The following DDX52 variants were observed in gnomAD, a reference collection of about 807,000 sequenced individuals.
DDX52 encodes the protein probable ATP-dependent RNA helicase DDX52.
A neutral mutation model predicts 76.1 loss-of-function variants in DDX52; 59 were observed. The ratio of observed to expected loss-of-function variants is 0.78; its 90% CI spans 0.63 to 0.96. DDX52 has a LOEUF of 0.96. DDX52 is among the 40% of genes least tolerant of loss of function. The probability of loss-of-function intolerance (pLI) is 0.00; values close to 1 mark genes in which losing one functional copy is unlikely to be tolerated. For synonymous variants in DDX52, 231 were observed against 244.1 expected (o/e 0.95, Z 0.50); for missense variants, 707 against 703.9 (o/e 1.00, Z -0.05).
At position 37,631,929 on chromosome 17, in the gene DDX52, C is replaced by T. The variant is rs79691013; in HGVS notation, c.603+184G>A. ...GGGTACTAGAAAAGGAAGAAGATCACATCTAGATGGAGTGATCAAGACAAC... is the reference window on the plus strand; with the variant it reads ...GGGTACTAGAAAAGGAAGAAGATCATATCTAGATGGAGTGATCAAGACAAC... On this transcript the variant is annotated intron_variant, in intron 4 of 14. Coordinates refer to ENST00000617633, the MANE Select transcript of DDX52 (RefSeq NM_007010.5). The T allele has an allele frequency of 3.9e-3, 2,710 of 693,366 alleles. 45 individuals carry two copies. In the African/African-American group the frequency reaches 0.039, roughly 10 times the overall value. 43.0% of individuals were successfully genotyped at this position (693,366 alleles called of 1,614,324 possible).
At chr17:37,617,152 C>T (rs541091028) in intron 14 of DDX52, among the ~76,000 whole-genome samples, 4 of 152,192 alleles carry the variant, frequency 2.6e-5, no homozygotes, top group Non-Finnish European at 4.4e-5. Context: ...ACACTACCAC[C>T]ACCAAGTACC....
intron 4 of DDX52, 78 bp from the exon 5 acceptor site, chr17:37,630,251 C>A: frequency 2.2e-6 from 3 of 1,382,840 alleles, no homozygotes; most frequent in Non-Finnish European, 9.6e-7. Flanking sequence ...ACGCTACCAG[C>A]CATAGAAAAA....
intron 7 of DDX52, 143 bp downstream of exon 7, chr17:37,626,645 A>T (rs1461723623): frequency 2.6e-6 from 2 of 755,736 alleles, no homozygotes; most frequent in Non-Finnish European, 4.4e-6. Context: ...GAATTTTTTT[A>T]AAAAACCATT....
At chr17:37,616,451 G>C (rs1033434424) in intron 14 of DDX52, among the ~76,000 whole-genome samples, 2 of 152,002 alleles carry the variant, frequency 1.3e-5, no homozygotes, top group Non-Finnish European at 2.9e-5. Context: ...TTGAGAGTTC[G>C]AGACCATCTT....
At position 37,625,467 on chromosome 17, in the gene DDX52, C is replaced by A. The variant is rs180766634; in HGVS notation, c.1136+428G>T. On this transcript the variant is annotated intron_variant, in intron 8 of 14. Coordinates refer to ENST00000617633, the MANE Select transcript of DDX52 (RefSeq NM_007010.5). ...CCATCAGGTAGCAGTATCATAATTT[C>A]TTTAAACTTTTTTCTGTCACTGAGC... is the stretch of plus-strand genomic sequence containing the variant. Among the ~76,000 whole-genome samples, 16 of 152,252 alleles carry A rather than the reference C, an allele frequency of 1.1e-4. No homozygotes were observed. The East Asian group carries it at 3.1e-3, about 29-fold the overall frequency.
At chr17:37,641,350 C>A (rs985497666) in intron 2 of DDX52, among the ~76,000 whole-genome samples, 1 of 150,004 alleles carries the variant, frequency 6.7e-6, no homozygotes, top group South Asian at 2.1e-4. Context: ...TGCAGTGAGC[C>A]GAGATTGCAC....
intron 14 of DDX52, among the ~76,000 whole-genome samples, chr17:37,615,440 G>A (rs1449877362): frequency 6.6e-6 from 1 of 152,160 alleles, no homozygotes; most frequent in Non-Finnish European, 1.5e-5. Context: ...CATGTTGGGA[G>A]GCAGAGGTAG....
chr17:37,634,782 T>G (rs181306189), intron 2 of DDX52, among the ~76,000 whole-genome samples: 3 of 152,230 alleles, frequency 2.0e-5, no homozygotes, highest in Admixed American at 2.0e-4. Context: ...CTTAACAGTT[T>G]GTATGGGAGA....
rs1434621230 is a variant in DDX52, at chr17:37,611,506, T to G, written c.*2790A>C. 6.6e-6 allele frequency: 1 copy of G among 152,036 alleles called. No homozygotes were observed. The highest frequency in any genetic ancestry group is 2.4e-5 in the African/African-American group (1 of 41,412). 9.4% of individuals were successfully genotyped at this position (152,036 alleles called of 1,614,324 possible). On this transcript the variant is annotated 3_prime_UTR_variant, in exon 15 of 15. Transcript: ENST00000617633. ...ATCAAAAAAGTTTATAAAGGCCGGA[T>G]ATAGTGGCTCACTCCAGGTCAGGAG...
intron 12 of DDX52, 99 bp downstream of exon 12, chr17:37,620,774 T>C: frequency 8.3e-7 from 1 of 1,209,478 alleles, no homozygotes; most frequent in Non-Finnish European, 1.1e-6. Context: ...CAGTAGAATT[T>C]GGGACATAGC....
rs371095274 is a variant in DDX52 at position 37,621,572 on chromosome 17, T to C, written c.1228-52A>G. 21 of 1,548,640 alleles carry C rather than the reference T, an allele frequency of 1.4e-5. No homozygotes were observed. The African/African-American group carries it at 2.4e-4, about 17-fold the overall frequency. ...ATAACTCAATCAAGAATACAATTGG[T>C]CATTATTTCATAATTTGATTGTAGC... On this transcript the variant is annotated intron_variant, in intron 9 of 14. Coordinates refer to ENST00000617633, the MANE Select transcript of DDX52 (RefSeq NM_007010.5).
intron 10 of DDX52, 45 bp from the exon 11 acceptor site, chr17:37,621,322 G>T: frequency 1.3e-6 from 2 of 1,593,786 alleles, no homozygotes; most frequent in Non-Finnish European, 1.7e-6. Flanking sequence ...ATGAAAACAG[G>T]TACTTCATAA....
chr17:37,617,757 G>T (rs1568597868), intron 14 of DDX52, among the ~76,000 whole-genome samples: 1 of 152,106 alleles, frequency 6.6e-6, no homozygotes, highest in Non-Finnish European at 1.5e-5. Flanking sequence ...AATTTATAGA[G>T]AATTGAAATA....
At chr17:37,624,257 T>C (rs1210966152) in intron 9 of DDX52, 87 bp downstream of exon 9, 2 of 885,950 alleles carry the variant, frequency 2.3e-6, no homozygotes, top group South Asian at 1.9e-5. Flanking sequence ...ATGATGATGA[T>C]ACAGTGCTAC....
intron 2 of DDX52, among the ~76,000 whole-genome samples, chr17:37,634,121 G>A (rs1056705390): frequency 7.9e-5 from 12 of 151,068 alleles, no homozygotes; most frequent in Non-Finnish European, 1.2e-4. Context: ...ATTTTGTTTT[G>A]TATTTTTAGT....
At position 37,611,309 on chromosome 17, in the gene DDX52, ATG is replaced by A. The variant is rs1048823110; in HGVS notation, c.*2985_*2986del. 1 of 152,230 alleles carries A rather than the reference ATG, an allele frequency of 6.6e-6. No homozygotes were observed. The highest frequency in any genetic ancestry group is 2.4e-5 in the African/African-American group (1 of 41,452). 9.4% of individuals were successfully genotyped at this position (152,230 alleles called of 1,614,324 possible). ...CCTGACCTTTTGTATGCCTAGCATAATGTGTGTGTTTGTGCCATGGTTTTTAA... is the reference window on the plus strand; with the variant it reads ...CCTGACCTTTTGTATGCCTAGCATAATGTGTGTTTGTGCCATGGTTTTTAA... On this transcript the variant is annotated 3_prime_UTR_variant, in exon 15 of 15. Coordinates refer to ENST00000617633, the MANE Select transcript of DDX52 (RefSeq NM_007010.5).
intron 2 of DDX52, among the ~76,000 whole-genome samples, chr17:37,638,668 T>C (rs1253395768): frequency 6.6e-6 from 1 of 152,200 alleles, no homozygotes; most frequent in African/African-American, 2.4e-5. Context: ...AAAATTTTAG[T>C]TCCCTATTCA....
chr17:37,639,956 T>A (rs749205172), intron 2 of DDX52, among the ~76,000 whole-genome samples: 1 of 152,140 alleles, frequency 6.6e-6, no homozygotes, highest in Non-Finnish European at 1.5e-5. Context: ...CTGCAGCACT[T>A]AACAGCAAAA....
chr17:37,618,955 T>C (rs1243192239), intron 13 of DDX52, among the ~76,000 whole-genome samples: 1 of 152,254 alleles, frequency 6.6e-6, no homozygotes, highest in African/African-American at 2.4e-5. Context: ...GCCAACCTTA[T>C]ATCCTGTGTC....
Sources: allele counts gnomAD v4.1 joint callset (sites outside exome capture counted in the v4.1 genomes callset), GRCh38; gene constraint gnomAD v4.1.1; transcripts MANE v1.5; gene names NCBI Gene and HGNC (gene_info 2026-07-23, HGNC 2026-07-21).